The following POF1B variants were observed in gnomAD, a reference collection of about 807,000 sequenced individuals.
The protein encoded by POF1B is protein POF1B.
POF1B carries 53 observed loss-of-function variants against 55.3 expected under a neutral mutation model. That is an observed-to-expected ratio of 0.96 (90% confidence interval 0.77 to 1.20). The LOEUF (loss-of-function observed/expected upper bound fraction) is 1.20. Ranked by LOEUF, POF1B falls within the 50% of genes most tolerant of loss-of-function variation. POF1B has a pLI of 0.00. For missense variants in POF1B, 478 were observed against 420.5 expected (o/e 1.14, Z -1.20); for synonymous variants, 188 against 148.3 (o/e 1.27, Z -1.95).
chrX:85,309,970 C>A (rs1051484273), intron 9 of POF1B, among the ~76,000 whole-genome samples: 1 of 112,071 alleles, frequency 8.9e-6, no homozygotes, highest in Non-Finnish European at 1.9e-5. Context: ...AGTGGGGGAA[C>A]CTCAACTTCC....
chrX:85,328,002 A>G (rs1932916740), intron 7 of POF1B, among the ~76,000 whole-genome samples: 1 of 110,498 alleles, frequency 9.0e-6, no homozygotes, highest in Admixed American at 9.7e-5. Flanking sequence ...TGAAAAGTGG[A>G]TACAAAAGGG....
intron 10 of POF1B, 36 bp downstream of exon 10, chrX:85,308,088 T>G (rs1932615883): frequency 1.0e-6 from 1 of 973,859 alleles, no homozygotes; most frequent in Non-Finnish European, 1.4e-6. Context: ...AGCTAGTAAC[T>G]AGAAAGGCTT....
chrX:85,287,853 C>G (rs1932090266), intron 15 of POF1B, among the ~76,000 whole-genome samples: 1 of 111,160 alleles, frequency 9.0e-6, no homozygotes, highest in Admixed American at 9.6e-5. Context: ...AAAATTTTAG[C>G]AAATTGGATC....
intron 7 of POF1B, among the ~76,000 whole-genome samples, chrX:85,329,058 G>T (rs1471181129): frequency 9.0e-6 from 1 of 111,072 alleles, no homozygotes; most frequent in African/African-American, 3.3e-5. Flanking sequence ...AAAGTTCATA[G>T]ATTATAGGTA....
intron 9 of POF1B, among the ~76,000 whole-genome samples, chrX:85,313,067 G>A (rs185549531): frequency 2.7e-5 from 3 of 111,975 alleles, no homozygotes; most frequent in Non-Finnish European, 5.6e-5. Flanking sequence ...AGCTTAAGGA[G>A]ATTTTGGGTT....
Position 85,278,837 on chromosome X carries a change from T to C in POF1B, c.*584A>G, listed in dbSNP as rs1057516020. 1 of 111,019 alleles carries C rather than the reference T, an allele frequency of 9.0e-6. No homozygotes were observed. Among genetic ancestry groups the C allele is most frequent in the Non-Finnish European group, 1.9e-5 (1 of 52,607 alleles). The allele number at this position is 111,019 out of a possible 1,213,427, so 9.1% of individuals were successfully genotyped here. A position where few individuals can be genotyped will look rare whatever the true frequency, so the allele number is the denominator to read the frequency against. ...GATATTATTCCACTTCCCTGCTAAA[T>C]GAAATTAATCATCACCTTTGACTTT... On this transcript the variant is annotated 3_prime_UTR_variant, in exon 17 of 17. Transcript: ENST00000262753.
At chrX:85,283,080 T>C (rs1214047466) in intron 15 of POF1B, among the ~76,000 whole-genome samples, 2 of 111,613 alleles carry the variant, frequency 1.8e-5, no homozygotes, top group African/African-American at 6.5e-5. Flanking sequence ...AAAGCAAGGC[T>C]TGGATGTATT....
intron 6 of POF1B, among the ~76,000 whole-genome samples, chrX:85,341,444 G>C (rs1397200970): frequency 4.5e-5 from 5 of 110,944 alleles, no homozygotes; most frequent in African/African-American, 1.6e-4. Context: ...AAGTAACAAT[G>C]TGTTAAAAAT....
chrX:85,353,755 C>A (rs1313995048), intron 4 of POF1B, among the ~76,000 whole-genome samples: 1 of 111,200 alleles, frequency 9.0e-6, no homozygotes, highest in Non-Finnish European at 1.9e-5. Flanking sequence ...ATATCAAGAC[C>A]ACCTGCTCAC....
At chrX:85,353,645 A>G (rs1365505560) in intron 4 of POF1B, among the ~76,000 whole-genome samples, 1 of 111,174 alleles carries the variant, frequency 9.0e-6, no homozygotes, top group Admixed American at 9.6e-5. Context: ...CTTTTACAAA[A>G]AAATGTCTGG....
intron 6 of POF1B, among the ~76,000 whole-genome samples, chrX:85,342,712 C>T (rs756799881): frequency 1.3e-4 from 14 of 111,400 alleles, no homozygotes; most frequent in Non-Finnish European, 2.3e-4. Context: ...ACTCTAAACA[C>T]AAACCATGAA....
intron 4 of POF1B, among the ~76,000 whole-genome samples, chrX:85,357,900 T>C (rs184561780): frequency 1.8e-5 from 2 of 110,832 alleles, no homozygotes; most frequent in African/African-American, 6.5e-5. Context: ...ATGCTACTGG[T>C]TCAAATAAAA....
intron 2 of POF1B, among the ~76,000 whole-genome samples, chrX:85,369,362 C>G (rs1423540432): frequency 9.0e-6 from 1 of 111,017 alleles, no homozygotes; most frequent in East Asian, 2.8e-4. Context: ...GAGGGGTGCT[C>G]TTTAGTTATG....
intron 3 of POF1B, among the ~76,000 whole-genome samples, chrX:85,362,211 T>A (rs1299032427): frequency 2.7e-5 from 3 of 110,797 alleles, no homozygotes; most frequent in Non-Finnish European, 5.7e-5. Flanking sequence ...TGACTTCCTC[T>A]GTTTCTATTT....
chrX:85,283,805 A>C (rs1381004976), intron 15 of POF1B, among the ~76,000 whole-genome samples: 1 of 111,573 alleles, frequency 9.0e-6, no homozygotes, highest in African/African-American at 3.3e-5. Context: ...GCCTCAGAGA[A>C]GAAAGGACAT....
rs780362138 is a variant in POF1B at position 85,351,300 on chromosome X, A to G, written c.540+50T>C. The G allele has an allele frequency of 1.9e-5, 17 of 887,960 alleles. No homozygotes were observed. The Admixed American group carries it at 2.0e-4, about 11-fold the overall frequency. 73.2% of individuals were successfully genotyped at this position (887,960 alleles called of 1,213,427 possible). A position where few individuals can be genotyped will look rare whatever the true frequency, so the allele number is the denominator to read the frequency against. On this transcript the variant is annotated intron_variant, in intron 5 of 16. Transcript: ENST00000262753. Reference sequence around the variant, plus strand: ...GTCACTTGAGCTCTATTAAAATACAATTCAAAATTATACACTTAAAAACAA... The same window carrying G: ...GTCACTTGAGCTCTATTAAAATACAGTTCAAAATTATACACTTAAAAACAA...
intron 6 of POF1B, among the ~76,000 whole-genome samples, chrX:85,344,202 G>A (rs1933227331): frequency 9.0e-6 from 1 of 110,894 alleles, no homozygotes; most frequent in African/African-American, 3.3e-5. Flanking sequence ...CTTGTCACAT[G>A]TCTTTCATGC....
At chrX:85,320,113 T>C (rs963771464) in intron 7 of POF1B, among the ~76,000 whole-genome samples, 2 of 111,569 alleles carry the variant, frequency 1.8e-5, no homozygotes, top group East Asian at 2.8e-4. Context: ...AAGTTGTATG[T>C]TTTCAGAAAT....
intron 2 of POF1B, among the ~76,000 whole-genome samples, chrX:85,368,837 C>A (rs1400841799): frequency 1.8e-5 from 2 of 111,660 alleles, no homozygotes; most frequent in Non-Finnish European, 3.8e-5. Flanking sequence ...TACTCAATCT[C>A]CCCATACCTT....
Sources: gnomAD v4.1 joint callset for allele counts (sites outside exome capture counted in the v4.1 genomes callset) on GRCh38, gnomAD v4.1.1 for gene constraint, MANE v1.5 for transcripts, NCBI Gene and HGNC (gene_info 2026-07-23, HGNC 2026-07-21) for gene names.